The following ZRANB1 variants were observed in gnomAD, a reference collection of about 807,000 sequenced individuals.
The protein encoded by ZRANB1 is ubiquitin thioesterase ZRANB1.
Under a neutral mutation model 80.5 loss-of-function variants are expected in ZRANB1, and 16 were observed. The observed-to-expected ratio is 0.20, with a 90% CI of 0.13 to 0.30. ZRANB1 has a LOEUF of 0.30. Ranked by LOEUF, ZRANB1 falls within the 10% of genes least tolerant of loss-of-function variation. The probability of loss-of-function intolerance (pLI) is 1.00; values close to 1 mark genes in which losing one functional copy is unlikely to be tolerated. For missense variants in ZRANB1, 576 were observed against 862.6 expected (o/e 0.67, Z 4.16); for synonymous variants, 291 against 293.1 (o/e 0.99, Z 0.07).
At chr10:124,967,563 CA>C (rs1166751008) in intron 2 of ZRANB1, among the ~76,000 whole-genome samples, 1 of 152,094 alleles carries the variant, frequency 6.6e-6, no homozygotes, top group African/African-American at 2.4e-5. Flanking sequence ...GTGAGCAGAG[CA>C]GATTGTGTTT....
chr10:124,974,493 C>G (rs559032582), intron 5 of ZRANB1, 95 bp downstream of exon 5: 2 of 1,271,782 alleles, frequency 1.6e-6, no homozygotes, highest in East Asian at 4.8e-5. Flanking sequence ...GTTATATTTT[C>G]TATGGAAACT....
rs745552477 is a variant in ZRANB1, at chr10:124,942,942, C to T, written c.449C>T (p.Thr150Ile). 4 of 1,614,182 alleles carry T rather than the reference C, an allele frequency of 2.5e-6. No individual in the cohort carries two copies. Among genetic ancestry groups the T allele is most frequent in the African/African-American group, 2.7e-5 (2 of 75,044 alleles). ...GATAGAAATAAACTGAACACTAGGA[C>T]ACAGCACTGGACTTGCTCTGTTTGC... ...YNDRNKLNTRTQHWTCSVCTY... is the reference protein window; with the variant it reads ...YNDRNKLNTRIQHWTCSVCTY... Residue 150 changes from threonine to isoleucine, a missense_variant, in exon 1 of 9, where the codon ACA (threonine) becomes ATA (isoleucine). Thr to Ile is a moderately conservative substitution (Grantham distance 89). This residue lies in a region of ZRANB1 where 411 missense variants were observed against 583.1 expected (regional missense o/e 0.70). Coordinates refer to ENST00000359653, the MANE Select transcript of ZRANB1 (RefSeq NM_017580.3).
chr10:124,921,773 A>G, the ZRANB1 span, among the ~76,000 whole-genome samples: 1 of 151,970 alleles, frequency 6.6e-6, no homozygotes, highest in Non-Finnish European at 1.5e-5. Flanking sequence ...AGGTATTTTC[A>G]TAGAATTATA....
chr10:124,946,691 C>T (rs1951587380), intron 1 of ZRANB1, among the ~76,000 whole-genome samples: 1 of 152,044 alleles, frequency 6.6e-6, no homozygotes, highest in Non-Finnish European at 1.5e-5. Context: ...AGGCCTGTTT[C>T]TATGGGATAG....
intron 1 of ZRANB1, among the ~76,000 whole-genome samples, chr10:124,965,907 A>T (rs1341612713): frequency 3.3e-5 from 5 of 152,138 alleles, no homozygotes; most frequent in Non-Finnish European, 7.4e-5. Context: ...GGCAGAAGTG[A>T]TATTTCTGTT....
At chr10:124,984,085 G>C (rs1456218091) in intron 8 of ZRANB1, among the ~76,000 whole-genome samples, 2 of 152,080 alleles carry the variant, frequency 1.3e-5, no homozygotes, top group Non-Finnish European at 2.9e-5. Flanking sequence ...AGGTCAGAGA[G>C]GATAGGGATG....
the ZRANB1 span, among the ~76,000 whole-genome samples, chr10:124,923,430 A>G: frequency 6.6e-6 from 1 of 151,064 alleles, no homozygotes; most frequent in Admixed American, 6.6e-5. Context: ...TGTCTCTACT[A>G]AAAATTCAAA....
intron 5 of ZRANB1, among the ~76,000 whole-genome samples, chr10:124,976,071 A>C (rs957596618): frequency 6.6e-6 from 1 of 152,200 alleles, no homozygotes; most frequent in Non-Finnish European, 1.5e-5. Context: ...GAAATAAAAT[A>C]ACTTCCTGGA....
chr10:124,968,959 T>A (rs1056167761), intron 2 of ZRANB1, among the ~76,000 whole-genome samples: 8 of 152,162 alleles, frequency 5.3e-5, no homozygotes, highest in African/African-American at 1.9e-4. Context: ...AGCTGAATAG[T>A]TTTGGCTCAT....
chr10:124,983,489 GT>G lies in ZRANB1; in HGVS notation c.1714del (p.Cys572ValfsTer66). 1 of 1,612,694 alleles carries G rather than the reference GT, an allele frequency of 6.2e-7. No homozygotes were observed. The highest frequency in any genetic ancestry group is 8.5e-7 in the Non-Finnish European group (1 of 1,178,762). On this transcript the variant is annotated frameshift_variant, in exon 8 of 9. Transcript: ENST00000359653. LOFTEE classifies it high-confidence loss of function. This position sits in a 1 kb window ranked among gnomAD's most constrained non-coding sequence, Gnocchi z 6.2. The stretch of plus-strand genomic sequence containing the variant: ...TATCTGCCTTTGTTGTGGGAACAGA[GT>G]TTTTGTTGGAAAAGTCCGATTGCTC... ...GVYLPLLWEQ[S>X]FCWKSPIALG... is the part of the protein sequence containing the mutation.
chr10:124,932,325 T>A, the ZRANB1 span, among the ~76,000 whole-genome samples: 53 of 149,194 alleles, frequency 3.6e-4, 1 homozygote, highest in Admixed American at 4.7e-4. Flanking sequence ...AGTCTCACTC[T>A]GTTGCCCAGG....
At chr10:124,924,615 CA>C in the ZRANB1 span, among the ~76,000 whole-genome samples, 1 of 151,896 alleles carries the variant, frequency 6.6e-6, no homozygotes, top group Non-Finnish European at 1.5e-5. Context: ...ATAATACTTC[CA>C]AGGTTTATGT....
chr10:124,976,354 A>G (rs201054708), intron 5 of ZRANB1, among the ~76,000 whole-genome samples: 1 of 152,064 alleles, frequency 6.6e-6, no homozygotes, highest in African/African-American at 2.4e-5. Context: ...GACCACTGCT[A>G]TGGGCCTGTC....
At chr10:124,952,163 C>A (rs1231157995) in intron 1 of ZRANB1, among the ~76,000 whole-genome samples, 5 of 152,114 alleles carry the variant, frequency 3.3e-5, no homozygotes, top group African/African-American at 1.2e-4. Flanking sequence ...CCTCCCCATG[C>A]GTGCGTCCCA....
chr10:124,927,762 C>T, the ZRANB1 span, among the ~76,000 whole-genome samples: 4 of 152,156 alleles, frequency 2.6e-5, no homozygotes, highest in Non-Finnish European at 4.4e-5. Flanking sequence ...AAAGGCCTGG[C>T]GCGGTGGGTC....
chr10:124,972,724 A>T (rs1488956584), intron 3 of ZRANB1, among the ~76,000 whole-genome samples: 1 of 151,544 alleles, frequency 6.6e-6, no homozygotes. Flanking sequence ...CAAACACCAA[A>T]CGTTTCTAAA....
At chr10:124,971,892 C>A (rs1227932282) in intron 2 of ZRANB1, 73 bp from the exon 3 acceptor site, 2 of 1,401,684 alleles carry the variant, frequency 1.4e-6, no homozygotes, top group Admixed American at 2.7e-5. Flanking sequence ...TTGCTGATTT[C>A]TTTTAAATAC....
chr10:124,986,323 AGT>A lies in ZRANB1; in HGVS notation c.*1332_*1333del, dbSNP rs1491359292. ...CACACACACACACACACACACACAC[AGT>A]TTTTTCCTTCCCTGTGATGAAAAAG... is the stretch of plus-strand genomic sequence containing the variant. On this transcript the variant is annotated 3_prime_UTR_variant, in exon 9 of 9. Transcript: ENST00000359653. The A allele has an allele frequency of 1.3e-5, 2 of 151,880 alleles. No homozygotes were observed. The highest frequency in any genetic ancestry group is 2.9e-5 in the Non-Finnish European group (2 of 67,916). 9.4% of individuals were successfully genotyped at this position (151,880 alleles called of 1,614,324 possible).
At chr10:124,973,903 C>T (rs774946909) in intron 4 of ZRANB1, among the ~76,000 whole-genome samples, 187 bp downstream of exon 4, 1 of 152,080 alleles carries the variant, frequency 6.6e-6, no homozygotes, top group Non-Finnish European at 1.5e-5. Flanking sequence ...AATAAAGATA[C>T]AAAAATTTTA....
Sources: gnomAD v4.1 joint callset for allele counts (sites outside exome capture counted in the v4.1 genomes callset) on GRCh38, gnomAD v4.1.1 for gene constraint, gnomAD v4.1.1 regional missense constraint, Gnocchi (gnomAD v3.1) non-coding constraint, MANE v1.5 for transcripts, NCBI Gene and HGNC (gene_info 2026-07-23, HGNC 2026-07-21) for gene names.